Variants in DOCK3 observed in about 807,000 individuals in gnomAD.
The protein encoded by DOCK3 is dedicator of cytokinesis 3, also known as dedicator of cytokinesis protein 3.
Under a neutral mutation model 265.6 loss-of-function variants are expected in DOCK3, and 60 were observed. The observed-to-expected ratio is 0.23, with a 90% CI of 0.18 to 0.28. DOCK3 has a LOEUF of 0.28. Ranked by LOEUF, DOCK3 falls within the 10% of genes least tolerant of loss-of-function variation. The pLI is 1.00. For synonymous variants in DOCK3, 881 were observed against 938.0 expected, an observed-to-expected ratio of 0.94 and a Z score of 1.11; for missense variants, 1,981 against 2,594.3, an observed-to-expected ratio of 0.76 and a Z score of 5.14.
chr3:51,006,556 A>G (rs775664371), intron 5 of DOCK3, among the ~76,000 whole-genome samples: 2 of 152,158 alleles, frequency 1.3e-5, no homozygotes, highest in African/African-American at 4.8e-5. Flanking sequence ...AGTCTCATCA[A>G]TTGTACTTCC....
At chr3:51,191,909 T>G (rs939840600) in intron 12 of DOCK3, among the ~76,000 whole-genome samples, 1 of 151,532 alleles carries the variant, frequency 6.6e-6, no homozygotes, top group Non-Finnish European at 1.5e-5. Context: ...ATAAGTAGTT[T>G]GGAAATATTA....
At chr3:50,907,100 A>G (rs968779472) in intron 4 of DOCK3, among the ~76,000 whole-genome samples, 1 of 151,992 alleles carries the variant, frequency 6.6e-6, no homozygotes, top group Middle Eastern at 3.2e-3. Flanking sequence ...TTCTAGTTTG[A>G]TTGCACTGTG....
chr3:51,212,121 A>AG (rs1432889151), intron 13 of DOCK3, among the ~76,000 whole-genome samples: 1 of 152,200 alleles, frequency 6.6e-6, no homozygotes, highest in Non-Finnish European at 1.5e-5. Flanking sequence ...ACTCTACAAA[A>AG]GGACATACAG....
chr3:51,266,043 C>T (rs2080143039), intron 23 of DOCK3, among the ~76,000 whole-genome samples: 1 of 152,148 alleles, frequency 6.6e-6, no homozygotes, highest in African/African-American at 2.4e-5. Flanking sequence ...AATAGACAAA[C>T]AGAGAGCCAA....
chr3:51,022,581 A>G (rs1360667696), intron 5 of DOCK3, among the ~76,000 whole-genome samples: 1 of 152,196 alleles, frequency 6.6e-6, no homozygotes, highest in Non-Finnish European at 1.5e-5. Context: ...CATTTAATTT[A>G]TGCATATAAA....
chr3:50,691,534 T>TA (rs2035242423), intron 1 of DOCK3, among the ~76,000 whole-genome samples: 1 of 152,380 alleles, frequency 6.6e-6, no homozygotes, highest in African/African-American at 2.4e-5. Flanking sequence ...ACTGGCATGC[T>TA]AGTACTTGTT....
intron 5 of DOCK3, among the ~76,000 whole-genome samples, chr3:51,026,875 C>T (rs534096009): frequency 6.6e-6 from 1 of 151,926 alleles, no homozygotes; most frequent in Admixed American, 6.6e-5. Flanking sequence ...CTTTGTTAAT[C>T]TAGCTAGCAG....
intron 5 of DOCK3, among the ~76,000 whole-genome samples, chr3:50,972,844 T>A (rs780707353): frequency 1.3e-5 from 2 of 152,042 alleles, no homozygotes; most frequent in Non-Finnish European, 2.9e-5. Flanking sequence ...TCAGGTAATG[T>A]GATGCCTATA....
intron 4 of DOCK3, among the ~76,000 whole-genome samples, chr3:50,891,968 A>G (rs2048663353): frequency 6.6e-6 from 1 of 152,114 alleles, no homozygotes; most frequent in South Asian, 2.1e-4. Flanking sequence ...ATAAAATTAC[A>G]CACAGAGCAG....
At chr3:50,691,999 C>G (rs1051097844) in intron 1 of DOCK3, among the ~76,000 whole-genome samples, 142 of 150,062 alleles carry the variant, frequency 9.5e-4, no homozygotes, top group African/African-American at 3.4e-3. Context: ...ACTGCAGTTT[C>G]AAACTCCTGA....
intron 5 of DOCK3, among the ~76,000 whole-genome samples, chr3:50,950,032 CT>C (rs1419094834): frequency 7.0e-6 from 1 of 143,434 alleles, no homozygotes; most frequent in African/African-American, 2.6e-5. Flanking sequence ...TTAGTCATGT[CT>C]AATCTTGCTG....
chr3:50,874,634 T>C lies in DOCK3; in HGVS notation c.163-15392T>C, dbSNP rs1575417630. ...CTTTTCAGTTTCTTTCATTAGTGTT[T>C]TGTAGTTTTTCTTGTAGAGATATTC... is the stretch of plus-strand genomic sequence containing the variant. On this transcript the variant is annotated intron_variant, in intron 3 of 52. Transcript: ENST00000266037. 2.0e-5 allele frequency among the ~76,000 whole-genome samples: 3 copies of C among 152,312 alleles called. No homozygotes were observed. The East Asian group carries it at 5.8e-4, about 29-fold the overall frequency.
intron 24 of DOCK3, among the ~76,000 whole-genome samples, 192 bp from the exon 25 acceptor site, chr3:51,274,887 T>C (rs998014561): frequency 6.6e-6 from 1 of 152,140 alleles, no homozygotes; most frequent in Admixed American, 6.5e-5. Flanking sequence ...GGAAGAATAA[T>C]GTCATGTGAT....
At chr3:50,824,998 A>G (rs1453357563) in intron 2 of DOCK3, among the ~76,000 whole-genome samples, 1 of 152,244 alleles carries the variant, frequency 6.6e-6, no homozygotes, top group Non-Finnish European at 1.5e-5. Context: ...CAGCATGTAC[A>G]TCTAGATGAA....
intron 3 of DOCK3, among the ~76,000 whole-genome samples, chr3:50,869,694 A>C (rs1005049552): frequency 3.5e-5 from 3 of 86,774 alleles, no homozygotes; most frequent in African/African-American, 1.5e-4. Context: ...TTTTTCTTCT[A>C]CTGATTTTGG....
At chr3:50,810,613 A>G (rs996542177) in intron 2 of DOCK3, among the ~76,000 whole-genome samples, 31 of 152,312 alleles carry the variant, frequency 2.0e-4, no homozygotes, top group African/African-American at 6.5e-4. Flanking sequence ...ATATTAATAA[A>G]AAGTTTATTT....
At chr3:51,056,855 C>T (rs2081221260) in intron 5 of DOCK3, among the ~76,000 whole-genome samples, 2 of 152,030 alleles carry the variant, frequency 1.3e-5, no homozygotes, top group African/African-American at 2.4e-5. Context: ...GTAATCTTCC[C>T]ACAACAACAT....
At chr3:51,333,424 A>T (rs1003322281) in intron 35 of DOCK3, among the ~76,000 whole-genome samples, 171 bp downstream of exon 35, 2 of 152,172 alleles carry the variant, frequency 1.3e-5, no homozygotes, top group Non-Finnish European at 2.9e-5. Context: ...GGAGAGACAG[A>T]GACTTTTCCC....
At chr3:50,800,858 T>TAA (rs755120444) in intron 2 of DOCK3, among the ~76,000 whole-genome samples, 9 of 152,196 alleles carry the variant, frequency 5.9e-5, no homozygotes, top group African/African-American at 1.7e-4. Context: ...TTTGGGATCT[T>TAA]ACGATTCTAT....
Sources: gnomAD v4.1 joint callset for allele counts (sites outside exome capture counted in the v4.1 genomes callset) on GRCh38, gnomAD v4.1.1 for gene constraint, MANE v1.5 for transcripts, NCBI Gene and HGNC (gene_info 2026-07-23, HGNC 2026-07-21) for gene names.